The following IFI27 variants were observed in gnomAD, a reference collection of about 807,000 sequenced individuals.
IFI27 encodes interferon alpha inducible protein 27.
A neutral mutation model predicts 8.9 loss-of-function variants in IFI27; 3 were observed. The ratio of observed to expected loss-of-function variants is 0.34; its 90% CI spans 0.15 to 0.87. The LOEUF (loss-of-function observed/expected upper bound fraction) is 0.87, where lower values mean the gene tolerates loss of function less well. Ranked by LOEUF, IFI27 falls within the 40% of genes least tolerant of loss-of-function variation. The probability of loss-of-function intolerance (pLI) is 0.51; values close to 1 mark genes in which losing one functional copy is unlikely to be tolerated. For missense variants in IFI27, 152 were observed against 157.7 expected (o/e 0.96, Z 0.19); for synonymous variants, 66 against 67.3 (o/e 0.98, Z 0.09).
chr14:94,114,775 T>C, intron 2 of IFI27, 76 bp from the exon 3 acceptor site: 3 of 1,542,134 alleles, frequency 1.9e-6, no homozygotes, highest in Admixed American at 3.3e-5. Context: ...TGCCTCCCTT[T>C]AGATGGGCAA....
chr14:94,111,737 A>G lies in IFI27; in HGVS notation c.55A>G (p.Arg19Gly), dbSNP rs773280959. Residue 19 changes from arginine (R) to glycine (G), a missense_variant, in exon 2 of 5, where the codon AGG becomes GGG. Coordinates refer to ENST00000621160, the Ensembl canonical transcript of IFI27. The surrounding 1 kb of genome is among the most constrained non-coding windows in gnomAD (Gnocchi z 4.3). ...AGTGACCAGTGTGGCCAAAGTGGTC[A>G]GGGTGGCCTCTGGCTCTGCCGTAGT... 61 of 1,614,110 alleles carry G rather than the reference A, an allele frequency of 3.8e-5. No homozygotes were observed. Among genetic ancestry groups the G allele is most frequent in the Non-Finnish European group, 5.1e-5 (60 of 1,179,904 alleles).
At chr14:94,106,484 G>T (rs181121343), upstream of IFI27, among the ~76,000 whole-genome samples, 20 of 152,210 alleles carry the variant, frequency 1.3e-4, no homozygotes, top group Admixed American at 5.9e-4. Context: ...TTTATTTTCG[G>T]TTTTTTTGAT....
At chr14:94,113,540 G>C (rs919148518) in intron 2 of IFI27, 1 of 152,170 alleles carries the variant, frequency 6.6e-6, no homozygotes, top group Admixed American at 6.5e-5. Context: ...AGTAGGAAAA[G>C]GTTGGAGGGA....
Position 94,114,840 on chromosome 14 carries a change from T to C in IFI27, c.92-11T>C, listed in dbSNP as rs1887329133. The C allele has an allele frequency of 1.2e-6, 2 of 1,614,068 alleles. No individual in the cohort carries two copies. The highest frequency in any genetic ancestry group is 1.3e-5 in the African/African-American group (1 of 74,934). ...GTGGATCTACTCACAGAATGTTCTTTTGGTTTCCAGCCAGGATTGCTACAG... is the reference window on the plus strand; with the variant it reads ...GTGGATCTACTCACAGAATGTTCTTCTGGTTTCCAGCCAGGATTGCTACAG... On this transcript the variant is annotated splice_polypyrimidine_tract_variant and intron_variant, in intron 2 of 4. Transcript: ENST00000621160.
chr14:94,107,217 A>G (rs149154343), upstream of IFI27, among the ~76,000 whole-genome samples: 1 of 152,084 alleles, frequency 6.6e-6, no homozygotes, highest in Admixed American at 6.6e-5. Flanking sequence ...TTACAGGCAC[A>G]CACCACCACG....
At chr14:94,115,591 G>T (rs1887358237) in intron 3 of IFI27, 190 bp from the exon 4 acceptor site, 2 of 633,820 alleles carry the variant, frequency 3.2e-6, no homozygotes, top group Non-Finnish European at 5.5e-6. Flanking sequence ...GACCCCACTA[G>T]CTTTTCCCTC....
Position 94,116,107 on chromosome 14 carries a change from G to A in IFI27, c.283+165G>A. On this transcript the variant is annotated intron_variant, in intron 4 of 4. Coordinates refer to ENST00000621160, the Ensembl canonical transcript of IFI27. This position sits in a 1 kb window ranked among gnomAD's most constrained non-coding sequence, Gnocchi z 4.3. ...TGAGGGAGATGGAGGAGGGAGGGAA[G>A]GAGCCCAAGCCAGGAACAGTGCACT... The A allele has an allele frequency of 1.1e-6, 1 of 873,858 alleles. No homozygotes were observed. Among genetic ancestry groups the A allele is most frequent in the Non-Finnish European group, 1.8e-6 (1 of 542,080 alleles). 54.1% of individuals were successfully genotyped at this position (873,858 alleles called of 1,614,324 possible).
upstream of IFI27, among the ~76,000 whole-genome samples, chr14:94,107,921 A>G (rs993747497): frequency 6.6e-6 from 1 of 152,136 alleles, no homozygotes; most frequent in Non-Finnish European, 1.5e-5. Flanking sequence ...TACATGTGCT[A>G]CGTTGGTTTG....
In IFI27 at chr14:94,116,492, T is replaced by C; in HGVS notation, c.334T>C (p.Ser112Pro). 6.2e-7 allele frequency: 1 copy of C among 1,613,536 alleles called. No individual in the cohort carries two copies. Among genetic ancestry groups the C allele is most frequent in the Non-Finnish European group, 8.5e-7 (1 of 1,179,800 alleles). ...CAAGTTCATCCTGGGCTCCATTGGG[T>C]CTGCCATTGCGGCTGTCATTGCGAG... Residue 112 changes from serine to proline, a missense_variant, in exon 5 of 5, where the codon TCT (serine) becomes CCT (proline). Transcript: ENST00000621160. The surrounding 1 kb of genome is among the most constrained non-coding windows in gnomAD (Gnocchi z 4.3).
At chr14:94,115,864 A>C (rs1237469059) in exon 4 of IFI27, 2 of 1,603,706 alleles carry the variant, frequency 1.2e-6, no homozygotes, top group East Asian at 4.5e-5. Flanking sequence ...CATAGCAGCC[A>C]AGATGATGTC....
chr14:94,115,218 C>T, intron 3 of IFI27: 1 of 620,834 alleles, frequency 1.6e-6, no homozygotes, highest in Non-Finnish European at 3.0e-6. Context: ...GCTGGTAATG[C>T]CCATTCAGGG....
At position 94,116,286 on chromosome 14, in the gene IFI27, AC is replaced by A. The variant is rs1415301019; in HGVS notation, c.284-152del. On this transcript the variant is annotated intron_variant, in intron 4 of 4. Coordinates refer to ENST00000621160, the Ensembl canonical transcript of IFI27. The surrounding 1 kb of genome is among the most constrained non-coding windows in gnomAD (Gnocchi z 4.3). ...TGCAGCAGCCTCTCCCCAAACAAAG[AC>A]CCCGAGGGTACTGGGAAACAGAGAG... 1.5e-5 allele frequency: 10 copies of A among 650,816 alleles called. No homozygotes were observed. The highest frequency in any genetic ancestry group is 1.4e-4 in the Admixed American group (6 of 41,852). 40.3% of individuals were successfully genotyped at this position (650,816 alleles called of 1,614,324 possible).
At chr14:94,110,786 C>G (rs1011134315) in exon 1 of IFI27, 1 of 152,594 alleles carries the variant, frequency 6.6e-6, no homozygotes, top group Non-Finnish European at 1.5e-5. Flanking sequence ...CTCAGGAACT[C>G]TCCTTCTTTG....
upstream of IFI27, among the ~76,000 whole-genome samples, chr14:94,108,863 G>A (rs74077213): frequency 0.026 from 4,024 of 152,226 alleles, 189 homozygotes; most frequent in African/African-American, 0.091. Context: ...ATGGACCAGG[G>A]TGGCCTTTTT....
upstream of IFI27, among the ~76,000 whole-genome samples, chr14:94,108,808 G>T (rs1887050578): frequency 6.6e-6 from 1 of 151,902 alleles, no homozygotes; most frequent in East Asian, 1.9e-4. Context: ...CGTTTTACTT[G>T]GGAATAATAC....
exon 4 of IFI27, chr14:94,115,824 C>G (rs1465655800): frequency 6.2e-7 from 1 of 1,607,212 alleles, no homozygotes; most frequent in East Asian, 2.2e-5. Context: ...GTGCCATGGG[C>G]TTCACTGCGG....
At chr14:94,109,007 T>C (rs1270785698), upstream of IFI27, among the ~76,000 whole-genome samples, 1 of 152,172 alleles carries the variant, frequency 6.6e-6, no homozygotes, top group Admixed American at 6.5e-5. Context: ...GTTTAATGGC[T>C]GTGATCCCAC....
Position 94,116,044 on chromosome 14 carries a change from TC to T in IFI27, c.283+104del, listed in dbSNP as rs1437623530. On this transcript the variant is annotated intron_variant, in intron 4 of 4. Transcript: ENST00000621160. This position sits in a 1 kb window ranked among gnomAD's most constrained non-coding sequence, Gnocchi z 4.3. The stretch of plus-strand genomic sequence containing the variant: ...ACCCTATGAACCTCAATCTCCCTGT[TC>T]CTCTGTCTCTCTCTACACATTCTCT... 1 of 1,141,350 alleles carries T rather than the reference TC, an allele frequency of 8.8e-7. No individual in the cohort carries two copies. Among genetic ancestry groups the T allele is most frequent in the Admixed American group, 2.0e-5 (1 of 50,522 alleles). 70.7% of individuals were successfully genotyped at this position (1,141,350 alleles called of 1,614,324 possible).
Position 94,111,938 on chromosome 14 carries a change from G to T in IFI27, c.91+165G>T. 1.5e-6 allele frequency: 1 copy of T among 661,450 alleles called. No individual in the cohort carries two copies. 41.0% of individuals were successfully genotyped at this position (661,450 alleles called of 1,614,324 possible). A position where few individuals can be genotyped will look rare whatever the true frequency, so the allele number is the denominator to read the frequency against. On this transcript the variant is annotated intron_variant, in intron 2 of 4. Transcript: ENST00000621160. The surrounding 1 kb of genome is among the most constrained non-coding windows in gnomAD (Gnocchi z 4.3). ...GTCCACCCTAACTTTCCATCTGGGA[G>T]GGGGCCCGGGGCAGGCAGACTCTGG...
Sources: allele counts gnomAD v4.1 joint callset (sites outside exome capture counted in the v4.1 genomes callset), GRCh38; gene constraint gnomAD v4.1.1; non-coding constraint Gnocchi (gnomAD v3.1); transcripts MANE v1.5; gene names NCBI Gene and HGNC (gene_info 2026-07-23, HGNC 2026-07-21).